Variants in ALCAM observed in about 807,000 individuals in gnomAD.
ALCAM encodes the protein CD166 antigen.
ALCAM carries 30 observed loss-of-function variants against 70.9 expected under a neutral mutation model. That is an observed-to-expected ratio of 0.42 (90% CI 0.32 to 0.57). The LOEUF (loss-of-function observed/expected upper bound fraction) is 0.57. Among genes scored for constraint, ALCAM ranks in the 20% least tolerant of loss-of-function variants. ALCAM has a pLI of 0.11. For synonymous variants in ALCAM, 249 were observed against 242.5 expected (o/e 1.03, Z -0.25); for missense variants, 591 against 695.1 (o/e 0.85, Z 1.68).
chr3:105,429,534 A>G (rs1936875187), intron 1 of ALCAM, among the ~76,000 whole-genome samples: 1 of 151,988 alleles, frequency 6.6e-6, no homozygotes, highest in Non-Finnish European at 1.5e-5. Context: ...TATAATTGTT[A>G]AACAAATTGG....
rs575285943 is a variant in ALCAM, at chr3:105,538,761, G to A, written c.731-1214G>A. Among the ~76,000 whole-genome samples, 276 of 152,174 alleles carry A rather than the reference G, an allele frequency of 1.8e-3. 1 individual carries two copies. The highest frequency in any genetic ancestry group is 6.3e-3 in the African/African-American group (261 of 41,534). On this transcript the variant is annotated intron_variant, in intron 6 of 15. Coordinates refer to ENST00000306107, the MANE Select transcript of ALCAM (RefSeq NM_001627.4). The stretch of plus-strand genomic sequence containing the variant: ...ATTTTATTTACTTTTCAACCTCACC[G>A]GAAACTGCTGGTTAGGAAACTACTT...
At chr3:105,450,539 G>A (rs1472890309) in intron 1 of ALCAM, among the ~76,000 whole-genome samples, 2 of 152,040 alleles carry the variant, frequency 1.3e-5, no homozygotes, top group Non-Finnish European at 2.9e-5. Flanking sequence ...CAAACCATAA[G>A]GTGTTGTTTC....
chr3:105,570,434 T>C lies in ALCAM; in HGVS notation c.1665-1418T>C, dbSNP rs138753864. Among the ~76,000 whole-genome samples the C allele has an allele frequency of 2.6e-5, 4 of 152,202 alleles. No homozygotes were observed. The East Asian group carries it at 7.7e-4, about 29-fold the overall frequency. On this transcript the variant is annotated intron_variant, in intron 14 of 15. Coordinates refer to ENST00000306107, the MANE Select transcript of ALCAM (RefSeq NM_001627.4). The stretch of plus-strand genomic sequence containing the variant: ...TATTAAACACTGTGTTTTCAGTGGA[T>C]GAATTTAACACAGATGGGCCACAGC...
chr3:105,448,648 T>C (rs544110300), intron 1 of ALCAM, among the ~76,000 whole-genome samples: 8 of 152,286 alleles, frequency 5.3e-5, no homozygotes, highest in African/African-American at 1.9e-4. Context: ...GACACAGGAA[T>C]TCAGTCAGGA....
chr3:105,566,938 G>A (rs1940756163), intron 14 of ALCAM, among the ~76,000 whole-genome samples: 1 of 152,046 alleles, frequency 6.6e-6, no homozygotes, highest in Admixed American at 6.5e-5. Flanking sequence ...TTTAGGAAAG[G>A]TCTGCTGGTG....
intron 1 of ALCAM, among the ~76,000 whole-genome samples, chr3:105,511,946 C>A (rs1576212029): frequency 6.6e-6 from 1 of 151,898 alleles, no homozygotes. Flanking sequence ...TATAACACAG[C>A]ATTTTCTAAG....
intron 1 of ALCAM, among the ~76,000 whole-genome samples, chr3:105,502,303 T>C (rs1938942435): frequency 6.6e-6 from 1 of 152,248 alleles, no homozygotes. Flanking sequence ...GTATGAGTTA[T>C]AAAACAGATA....
intron 1 of ALCAM, among the ~76,000 whole-genome samples, chr3:105,461,567 C>A (rs1218180110): frequency 1.3e-5 from 2 of 151,596 alleles, no homozygotes; most frequent in Non-Finnish European, 3.0e-5. Context: ...GAGGTTTAAC[C>A]AAAATTATGT....
chr3:105,401,189 C>G (rs551738124), intron 1 of ALCAM, among the ~76,000 whole-genome samples: 111 of 152,306 alleles, frequency 7.3e-4, no homozygotes, highest in Non-Finnish European at 1.4e-3. Context: ...ACACCCACAC[C>G]TTAGTAGCTG....
At chr3:105,526,264 T>C (rs1394835323) in intron 3 of ALCAM, among the ~76,000 whole-genome samples, 1 of 149,780 alleles carries the variant, frequency 6.7e-6, no homozygotes, top group Admixed American at 6.7e-5. Flanking sequence ...GAATTATTTG[T>C]GACAGTTTTC....
intron 1 of ALCAM, among the ~76,000 whole-genome samples, chr3:105,476,684 C>G (rs1253399281): frequency 6.6e-6 from 1 of 152,066 alleles, no homozygotes; most frequent in African/African-American, 2.4e-5. Flanking sequence ...CAGTAAGTGG[C>G]ATATCCACCT....
intron 1 of ALCAM, among the ~76,000 whole-genome samples, chr3:105,463,764 G>GTGGA (rs1576180205): frequency 6.6e-6 from 1 of 151,542 alleles, no homozygotes; most frequent in East Asian, 1.9e-4. Flanking sequence ...TAGTGAGGCT[G>GTGGA]TGGATTCAGA....
At chr3:105,534,920 C>T in intron 6 of ALCAM, 75 bp downstream of exon 6, 1 of 1,366,878 alleles carries the variant, frequency 7.3e-7, no homozygotes, top group Non-Finnish European at 9.9e-7. Flanking sequence ...TCTTTGAGGT[C>T]CCAATCCAAT....
At chr3:105,520,745 A>G (rs1373961731) in intron 2 of ALCAM, among the ~76,000 whole-genome samples, 3 of 152,200 alleles carry the variant, frequency 2.0e-5, no homozygotes, top group Admixed American at 6.5e-5. Flanking sequence ...GGGTCTGAAA[A>G]TGGAGGGTAG....
intron 3 of ALCAM, among the ~76,000 whole-genome samples, chr3:105,529,836 C>T (rs1939794732): frequency 1.3e-5 from 2 of 151,922 alleles, no homozygotes; most frequent in Non-Finnish European, 2.9e-5. Context: ...ACAGGGTTTA[C>T]AAAGCAAAGT....
In ALCAM at chr3:105,547,391, C is replaced by G; in HGVS notation, c.1242C>G (p.Gly414=). 1 of 1,601,878 alleles carries G rather than the reference C, an allele frequency of 6.2e-7. No homozygotes were observed. The highest frequency in any genetic ancestry group is 8.5e-7 in the Non-Finnish European group (1 of 1,174,954). The part of the protein sequence containing the change: ...KRESLTLIVE[G]KPQIKMTKKT... ...CTTATTTTAATTGTAATATTTCAGG[C>G]AAACCTCAAATAAAAATGACAAAGA... The change falls in exon 11 of 16, where the codon GGC becomes GGG. Residue 414 remains glycine, a splice_region_variant and synonymous_variant. Transcript: ENST00000306107.
intron 1 of ALCAM, among the ~76,000 whole-genome samples, chr3:105,404,743 A>G (rs1014559720): frequency 6.6e-6 from 1 of 152,150 alleles, no homozygotes. Context: ...ATATCTCAAT[A>G]CTAACATTGA....
intron 1 of ALCAM, among the ~76,000 whole-genome samples, chr3:105,429,475 G>A (rs1359620637): frequency 6.6e-6 from 1 of 151,928 alleles, no homozygotes; most frequent in Admixed American, 6.6e-5. Flanking sequence ...AAAAAATGAT[G>A]TTCCACATCT....
intron 1 of ALCAM, among the ~76,000 whole-genome samples, chr3:105,500,583 A>G (rs1018356350): frequency 6.6e-6 from 1 of 152,216 alleles, no homozygotes; most frequent in Non-Finnish European, 1.5e-5. Context: ...ACCATGCCAA[A>G]CTTACAAAAA....
Sources: gnomAD v4.1 joint callset for allele counts (sites outside exome capture counted in the v4.1 genomes callset) on GRCh38, gnomAD v4.1.1 for gene constraint, MANE v1.5 for transcripts, NCBI Gene and HGNC (gene_info 2026-07-23, HGNC 2026-07-21) for gene names.